Variants in TRMT44 observed in about 807,000 individuals in gnomAD.
The protein encoded by TRMT44 is tRNA methyltransferase 44 homolog.
In TRMT44, 78 loss-of-function variants were observed where a neutral mutation model predicts 77.3. The observed-to-expected ratio is 1.01, with a 90% CI of 0.84 to 1.22. The LOEUF is 1.22. Among genes scored for constraint, TRMT44 ranks in the 50% most tolerant of loss-of-function variants. The pLI, the probability that TRMT44 is intolerant of heterozygous loss-of-function variation, is 0.00. For synonymous variants in TRMT44, 391 were observed against 383.3 expected (o/e 1.02, Z -0.23); for missense variants, 1,090 against 964.4 (o/e 1.13, Z -1.73).
At chr4:8,480,004 C>T (rs988512011), downstream of TRMT44, among the ~76,000 whole-genome samples, 1 of 152,104 alleles carries the variant, frequency 6.6e-6, no homozygotes, top group Non-Finnish European at 1.5e-5. Flanking sequence ...CCTCAGCCCC[C>T]CAAGTAGCTG....
the TRMT44 span, among the ~76,000 whole-genome samples, chr4:8,508,276 A>T: frequency 1.3e-5 from 2 of 152,120 alleles, no homozygotes; most frequent in Non-Finnish European, 1.5e-5. Context: ...GCAATTTCGT[A>T]TGGCTGTGGG....
the TRMT44 span, among the ~76,000 whole-genome samples, chr4:8,502,206 C>G: frequency 6.6e-6 from 1 of 152,282 alleles, no homozygotes; most frequent in Non-Finnish European, 1.5e-5. Flanking sequence ...AGGAATGACT[C>G]CAGAAACTGC....
chr4:8,474,346 G>A (rs964616882), intron 10 of TRMT44, among the ~76,000 whole-genome samples: 3 of 152,170 alleles, frequency 2.0e-5, no homozygotes, highest in South Asian at 2.1e-4. Context: ...AGAGTGTCGC[G>A]GGACTGCCTT....
At chr4:8,484,876 C>T (rs927872475) in intron 2 of TRMT44, among the ~76,000 whole-genome samples, 4 of 151,978 alleles carry the variant, frequency 2.6e-5, no homozygotes, top group Non-Finnish European at 5.9e-5. Flanking sequence ...TGGACATGAG[C>T]GGCAGGGAGA....
intron 1 of TRMT44, among the ~76,000 whole-genome samples, chr4:8,442,414 C>G (rs1724800031): frequency 6.6e-6 from 1 of 152,260 alleles, no homozygotes; most frequent in Non-Finnish European, 1.5e-5. Context: ...CTTGACACTT[C>G]AGCCTCAGCC....
At chr4:8,458,459 C>CTTTT (rs1156752172) in intron 6 of TRMT44, among the ~76,000 whole-genome samples, 177 of 142,638 alleles carry the variant, frequency 1.2e-3, no homozygotes, top group African/African-American at 3.5e-3. Flanking sequence ...ATTTTCTTTT[C>CTTTT]TTTTCTTTTT....
chr4:8,503,332 G>A, the TRMT44 span, among the ~76,000 whole-genome samples: 33 of 152,346 alleles, frequency 2.2e-4, no homozygotes, highest in South Asian at 6.2e-4. Flanking sequence ...ACCCTAGGCC[G>A]TGGCTGCAGC....
At chr4:8,469,721 G>A (rs563617465) in intron 9 of TRMT44, among the ~76,000 whole-genome samples, 2 of 152,318 alleles carry the variant, frequency 1.3e-5, no homozygotes, top group East Asian at 1.9e-4. Context: ...ATGGGTGTCC[G>A]TGGGTCTGGG....
chr4:8,485,219 C>T lies in TRMT44; in HGVS notation n.3891+5686C>T, dbSNP rs545405253. On this transcript the variant is annotated intron_variant and non_coding_transcript_variant, in intron 2 of 2. Coordinates refer to the TRMT44 transcript ENST00000511366. ...CAATCCAGGTGAAAGCAAAGAGAGG[C>T]TGGGATGAGGGGTGCAGGGGAATAG... Among the ~76,000 whole-genome samples the T allele has an allele frequency of 7.9e-5, 12 of 152,190 alleles. No homozygotes were observed. In the East Asian group the frequency reaches 2.3e-3, roughly 29 times the overall value.
At chr4:8,487,114 A>AGAAT (rs1453027174) in intron 2 of TRMT44, among the ~76,000 whole-genome samples, 6 of 152,232 alleles carry the variant, frequency 3.9e-5, no homozygotes, top group Non-Finnish European at 8.8e-5. Context: ...TTTTATGACA[A>AGAAT]GAATTATTTA....
chr4:8,446,366 G>T lies in TRMT44; in HGVS notation c.620-110G>T. 1 of 692,426 alleles carries T rather than the reference G, an allele frequency of 1.4e-6. No homozygotes were observed. The highest frequency in any genetic ancestry group is 1.8e-5 in the African/African-American group (1 of 56,370). The allele number at this position is 692,426 out of a possible 1,614,324, so 42.9% of individuals were successfully genotyped here. A position where few individuals can be genotyped will look rare whatever the true frequency, so the allele number is the denominator to read the frequency against. On this transcript the variant is annotated intron_variant, in intron 1 of 10. Transcript: ENST00000389737. The surrounding 1 kb of genome is among the most constrained non-coding windows in gnomAD (Gnocchi z 4.3). ...CCTGGAGTGCCATTGTGAATAGAGT[G>T]CTGGGGGATTGAAAGCATCGTGCTT...
chr4:8,512,948 T>C, the TRMT44 span, among the ~76,000 whole-genome samples: 6 of 152,232 alleles, frequency 3.9e-5, no homozygotes, highest in African/African-American at 1.4e-4. Context: ...AGTGTCACTC[T>C]CTCGCCCGGG....
At chr4:8,497,734 TTAAAA>T (rs1388996951), downstream of TRMT44, among the ~76,000 whole-genome samples, 10 of 152,372 alleles carry the variant, frequency 6.6e-5, no homozygotes, top group African/African-American at 2.4e-4. Context: ...GGTGTGTACC[TTAAAA>T]TAAACAATCC....
At chr4:8,472,358 A>G (rs1579082649) in intron 10 of TRMT44, among the ~76,000 whole-genome samples, 2 of 152,222 alleles carry the variant, frequency 1.3e-5, no homozygotes, top group Non-Finnish European at 2.9e-5. Context: ...AGCCGCCATG[A>G]CCAGGAAAAG....
In TRMT44 at chr4:8,476,243, C is replaced by G. The variant is rs540257754; in HGVS notation, c.*242C>G. 1.8e-6 allele frequency: 1 copy of G among 570,606 alleles called. No homozygotes were observed. The highest frequency in any genetic ancestry group is 3.1e-6 in the Non-Finnish European group (1 of 319,224). The allele number at this position is 570,606 out of a possible 1,614,324, so 35.3% of individuals were successfully genotyped here. On this transcript the variant is annotated 3_prime_UTR_variant, in exon 11 of 11. Transcript: ENST00000389737. The stretch of plus-strand genomic sequence containing the variant: ...TTCAGATGCAGCCGCTTGAAACGTG[C>G]GCAGCATCTTCATATCATAAAGATT...
At chr4:8,507,820 C>G in the TRMT44 span, among the ~76,000 whole-genome samples, 3 of 152,222 alleles carry the variant, frequency 2.0e-5, no homozygotes, top group Non-Finnish European at 4.4e-5. Context: ...GATCCGGCAG[C>G]AGGCAGAGCC....
chr4:8,504,386 C>T, the TRMT44 span, among the ~76,000 whole-genome samples: 10 of 152,250 alleles, frequency 6.6e-5, no homozygotes, highest in South Asian at 1.0e-3. This position sits in a 1 kb window ranked among gnomAD's most constrained non-coding sequence, Gnocchi z 5.3. Flanking sequence ...CTCTTCCTCC[C>T]GGGCCTGCGC....
chr4:8,440,829 G>A lies in TRMT44; in HGVS notation c.7G>A (p.Glu3Lys). 1 of 1,482,924 alleles carries A rather than the reference G, an allele frequency of 6.7e-7. No individual in the cohort carries two copies. Among genetic ancestry groups the A allele is most frequent in the Non-Finnish European group, 8.9e-7 (1 of 1,120,288 alleles). The allele number at this position is 1,482,924 out of a possible 1,614,324, so 91.9% of individuals were successfully genotyped here. A position where few individuals can be genotyped will look rare whatever the true frequency, so the allele number is the denominator to read the frequency against. ...TGTACACCTGCTGGCTGCCATGGCT[G>A]AGGTGGGCCGTACCGGGATCAGCTA... MAEVGRTGISYPG... is the reference protein window; with the variant it reads MAKVGRTGISYPG... The change falls in exon 1 of 11, where the codon GAG (glutamate) becomes AAG (lysine). Residue 3 changes from glutamate to lysine, a missense_variant. Glu to Lys is a moderately conservative substitution (Grantham distance 56, BLOSUM62 1). Transcript: ENST00000389737.
At chr4:8,478,482 TACTGCCCCCCAGCAGC>T (rs1319839096), downstream of TRMT44, 3 of 152,598 alleles carry the variant, frequency 2.0e-5, no homozygotes, top group Non-Finnish European at 4.4e-5. Flanking sequence ...TACCATTTCT[TACTGCCCCCCAGCAGC>T]ACTGTGCCCC....
Sources: gnomAD v4.1 joint callset for allele counts (sites outside exome capture counted in the v4.1 genomes callset) on GRCh38, gnomAD v4.1.1 for gene constraint, Gnocchi (gnomAD v3.1) non-coding constraint, MANE v1.5 for transcripts, NCBI Gene and HGNC (gene_info 2026-07-23, HGNC 2026-07-21) for gene names.